DBF4B: variants seen among roughly 807,000 people sequenced by gnomAD.
DBF4B encodes DBF4B-CDC7 kinase regulatory subunit, also known as protein DBF4 homolog B.
In DBF4B, 49 loss-of-function variants were observed where a neutral mutation model predicts 53.4. The observed-to-expected ratio is 0.92, with a 90% CI of 0.73 to 1.16. DBF4B has a LOEUF of 1.16. DBF4B is among the 50% of genes most tolerant of loss of function. The pLI, the probability that DBF4B is intolerant of heterozygous loss-of-function variation, is 0.00. For synonymous variants in DBF4B, 257 were observed against 288.7 expected (o/e 0.89, Z 1.11); for missense variants, 692 against 775.0 (o/e 0.89, Z 1.27).
intron 2 of DBF4B, among the ~76,000 whole-genome samples, chr17:44,721,230 C>CT (rs1440020348): frequency 2.8e-5 from 4 of 142,378 alleles, no homozygotes; most frequent in African/African-American, 5.4e-5. Context: ...CCCCCCTCCC[C>CT]TTTTTTGCGA....
intron 7 of DBF4B, among the ~76,000 whole-genome samples, chr17:44,735,831 C>G (rs1975363493): frequency 6.6e-6 from 1 of 152,214 alleles, no homozygotes; most frequent in South Asian, 2.1e-4. Context: ...CCCAGAGGCA[C>G]AGGTGGTCAT....
At chr17:44,726,429 C>CT (rs1418162024) in intron 3 of DBF4B, among the ~76,000 whole-genome samples, 1 of 148,762 alleles carries the variant, frequency 6.7e-6, no homozygotes, top group Non-Finnish European at 1.5e-5. Flanking sequence ...ATCATGAGTA[C>CT]TTTTTTTTTA....
At chr17:44,719,618 T>G (rs572593170) in intron 2 of DBF4B, 2 of 153,688 alleles carry the variant, frequency 1.3e-5, no homozygotes, top group African/African-American at 4.8e-5. Context: ...CATGTGTCAG[T>G]ACATCATTCC....
At chr17:44,720,430 A>G (rs146541361) in intron 2 of DBF4B, 27 of 234,580 alleles carry the variant, frequency 1.2e-4, no homozygotes, top group African/African-American at 6.0e-4. Flanking sequence ...GATCGGGAAT[A>G]TCTGCAATTC....
At chr17:44,746,899 C>T (rs555207640) in intron 10 of DBF4B, among the ~76,000 whole-genome samples, 184 bp from the exon 11 acceptor site, 2 of 152,166 alleles carry the variant, frequency 1.3e-5, no homozygotes, top group East Asian at 1.9e-4. Flanking sequence ...TTCCTTGTTC[C>T]CCTCTTGCCA....
In DBF4B at chr17:44,730,079, C is replaced by G. The variant is rs780737091; in HGVS notation, c.400C>G (p.Arg134Gly). The G allele has an allele frequency of 6.2e-7, 1 of 1,612,500 alleles. No homozygotes were observed. Among genetic ancestry groups the G allele is most frequent in the Non-Finnish European group, 8.5e-7 (1 of 1,179,984 alleles). Residue 134 changes from arginine (R) to glycine (G), a missense_variant, in exon 4 of 14, where the codon CGG becomes GGG. Arg to Gly is a moderately radical substitution (Grantham distance 125). Coordinates refer to ENST00000315005, the MANE Select transcript of DBF4B (RefSeq NM_145663.3). ...AAAAGGCAGCCACCCCAGGCCTTCACGGAAACCCGTTGACTCGGTAAGAAC... is the reference window on the plus strand; with the variant it reads ...AAAAGGCAGCCACCCCAGGCCTTCAGGGAAACCCGTTGACTCGGTAAGAAC... ...DPKGSHPRPSRKPVDSVPLSR... is the reference protein window; with the variant it reads ...DPKGSHPRPSGKPVDSVPLSR...
rs1392197211 is a variant in DBF4B, at chr17:44,751,110, C to T, written c.1705C>T (p.Arg569Ter). Reference protein sequence around the residue: ...PSLSTAGPIPRTSHPCTLAFP... With the variant: ...PSLSTAGPIP ...ATTGTCAACTGCAGGACCCATTCCC[C>T]GAACCTCACATCCGTGTACCCTTGC... The change falls in exon 14 of 14, where the codon CGA (arginine) becomes TGA (stop). Residue 569 changes from arginine to a stop codon, truncating the protein, a stop_gained. Coordinates refer to ENST00000315005, the MANE Select transcript of DBF4B (RefSeq NM_145663.3). LOFTEE classifies it low-confidence loss of function (END_TRUNC). 7.4e-6 allele frequency: 12 copies of T among 1,614,010 alleles called. No individual in the cohort carries two copies. The highest frequency in any genetic ancestry group is 1.3e-5 in the African/African-American group (1 of 74,910).
At chr17:44,734,803 C>T (rs990091980) in intron 7 of DBF4B, among the ~76,000 whole-genome samples, 8 of 152,214 alleles carry the variant, frequency 5.3e-5, no homozygotes, top group Admixed American at 5.2e-4. Context: ...TAGCAAGCCA[C>T]ATCCAAAGTG....
Position 44,749,820 on chromosome 17 carries a change from C to A in DBF4B, c.1190-775C>A. ...TGTTGGTGTGCTCCACCCCCAACCCCGGCCTCCTTTCTCACGAGCATGTGG... is the reference window on the plus strand; with the variant it reads ...TGTTGGTGTGCTCCACCCCCAACCCAGGCCTCCTTTCTCACGAGCATGTGG... On this transcript the variant is annotated intron_variant, in intron 13 of 13. Coordinates refer to ENST00000315005, the MANE Select transcript of DBF4B (RefSeq NM_145663.3). The surrounding 1 kb of genome is among the most constrained non-coding windows in gnomAD (Gnocchi z 4.4). The A allele has an allele frequency of 9.7e-7, 1 of 1,035,842 alleles. No individual in the cohort carries two copies. The highest frequency in any genetic ancestry group is 1.7e-5 in the African/African-American group (1 of 59,350). 64.2% of individuals were successfully genotyped at this position (1,035,842 alleles called of 1,614,324 possible). A position where few individuals can be genotyped will look rare whatever the true frequency, so the allele number is the denominator to read the frequency against.
chr17:44,733,461 A>G (rs1277632144), intron 6 of DBF4B, among the ~76,000 whole-genome samples: 2 of 152,162 alleles, frequency 1.3e-5, no homozygotes, highest in Non-Finnish European at 2.9e-5. Flanking sequence ...GTGGTTTCAT[A>G]CCCAGCTCCA....
Position 44,751,630 on chromosome 17 carries a change from A to C in DBF4B, c.*377A>C. ...GAAAACACTTGAGTTGATTCAGTAA[A>C]TCGACTTCAAATACTTGAAGGCTCC... On this transcript the variant is annotated 3_prime_UTR_variant, in exon 14 of 14. Coordinates refer to ENST00000315005, the MANE Select transcript of DBF4B (RefSeq NM_145663.3). 1 of 1,367,052 alleles carries C rather than the reference A, an allele frequency of 7.3e-7. No individual in the cohort carries two copies. The allele number at this position is 1,367,052 out of a possible 1,614,324, so 84.7% of individuals were successfully genotyped here.
chr17:44,750,930 T>A lies in DBF4B; in HGVS notation c.1525T>A (p.Trp509Arg). 6.2e-7 allele frequency: 1 copy of A among 1,614,238 alleles called. No homozygotes were observed. The change falls in exon 14 of 14, where the codon TGG becomes AGG. Residue 509 changes from tryptophan (W) to arginine (R), a missense_variant. Around this residue, in one of 3 missense-constraint regions of DBF4B, gnomAD observed 597 missense variants for 665.8 expected, o/e 0.90. Transcript: ENST00000315005. ...ACCGTGGCTTATGTCTGCACGCTGC[T>A]GGGTTCGTCCCTTTCCTTTTGTGAC... ...ARPWLMSARC[W>R]VRPFPFVTWG...
intron 1 of DBF4B, 91 bp from the exon 2 acceptor site, chr17:44,709,213 G>T: frequency 1.3e-6 from 2 of 1,531,540 alleles, no homozygotes; most frequent in Non-Finnish European, 1.8e-6. Flanking sequence ...TCGCGTTTCT[G>T]TGCGCGTTTT....
At chr17:44,724,748 G>A (rs1475412108) in intron 3 of DBF4B, among the ~76,000 whole-genome samples, 1 of 152,168 alleles carries the variant, frequency 6.6e-6, no homozygotes, top group Admixed American at 6.5e-5. Flanking sequence ...GGGAGGCTGA[G>A]GTGGGAGGAT....
intron 6 of DBF4B, chr17:44,732,581 C>G (rs1260487291): frequency 1.1e-5 from 3 of 270,990 alleles, no homozygotes; most frequent in Non-Finnish European, 2.1e-5. Context: ...ATATTCATGA[C>G]CACTGGCCAG....
At position 44,708,997 on chromosome 17, in the gene DBF4B, G is replaced by A. The variant is rs962579211; in HGVS notation, c.19+158G>A. The A allele has an allele frequency of 7.7e-6, 8 of 1,035,940 alleles. No homozygotes were observed. The Admixed American group carries it at 2.1e-4, about 27-fold the overall frequency. 64.2% of individuals were successfully genotyped at this position (1,035,940 alleles called of 1,614,324 possible). On this transcript the variant is annotated intron_variant, in intron 1 of 13. Transcript: ENST00000315005. ...GGGAAGGAGCCACAGGAGTTGAGGG[G>A]ACCGAGGAATGAAGGTGGCAGAGGA...
chr17:44,729,297 G>GCT (rs1398652259), intron 3 of DBF4B, among the ~76,000 whole-genome samples: 3 of 150,636 alleles, frequency 2.0e-5, no homozygotes, highest in Non-Finnish European at 4.4e-5. Flanking sequence ...GAACTACTGG[G>GCT]CTCAAGTGAT....
At chr17:44,710,063 C>G (rs1305512777) in intron 2 of DBF4B, among the ~76,000 whole-genome samples, 2 of 151,892 alleles carry the variant, frequency 1.3e-5, no homozygotes, top group Non-Finnish European at 2.9e-5. Flanking sequence ...GTCCCAGCTA[C>G]TCAGGAGGCT....
chr17:44,711,517 A>G (rs1231890043), intron 2 of DBF4B, among the ~76,000 whole-genome samples: 1 of 152,032 alleles, frequency 6.6e-6, no homozygotes, highest in Non-Finnish European at 1.5e-5. Context: ...TTCTTGACAT[A>G]GCTTAAAAGG....
Sources: allele counts gnomAD v4.1 joint callset (sites outside exome capture counted in the v4.1 genomes callset), GRCh38; gene constraint gnomAD v4.1.1; regional missense constraint gnomAD v4.1.1; non-coding constraint Gnocchi (gnomAD v3.1); transcripts MANE v1.5; gene names NCBI Gene and HGNC (gene_info 2026-07-23, HGNC 2026-07-21).